Variants in RFC4 observed in about 807,000 individuals in gnomAD.
RFC4 encodes A1 37 kDa subunit.
RFC4 carries 38 observed loss-of-function variants against 47.6 expected under a neutral mutation model. That is an observed-to-expected ratio of 0.80 (90% CI 0.62 to 1.05). The LOEUF (loss-of-function observed/expected upper bound fraction) is 1.05. RFC4 is among the 50% of genes least tolerant of loss of function. The pLI, the probability that RFC4 is intolerant of heterozygous loss-of-function variation, is 0.00. For missense variants in RFC4, 489 were observed against 434.0 expected (o/e 1.13, Z -1.13); for synonymous variants, 164 against 150.0 (o/e 1.09, Z -0.68).
rs1174729738 is a variant in RFC4 at position 186,801,187 on chromosome 3, T to C, written c.140A>G (p.Lys47Arg). The C allele has an allele frequency of 6.2e-7, 1 of 1,614,068 alleles. No homozygotes were observed. The highest frequency in any genetic ancestry group is 8.5e-7 in the Non-Finnish European group (1 of 1,179,942). Residue 47 changes from lysine (K) to arginine (R), a missense_variant, in exon 3 of 11, where the codon AAA becomes AGA. Physicochemically the swap from Lys to Arg is conservative, Grantham distance 26. Coordinates refer to ENST00000296273, the MANE Select transcript of RFC4 (RefSeq NM_002916.5). ...CTGGAAAGCAACTTCATCCACACAT[T>C]TTGGGCGACTTGCGGGGTGAGAAGG... Reference protein sequence around the residue: ...PVPWVEKYRPKCVDEVAFQEE... With the variant: ...PVPWVEKYRPRCVDEVAFQEE...
At chr3:186,795,927 A>G (rs1722235531) in intron 4 of RFC4, among the ~76,000 whole-genome samples, 1 of 152,212 alleles carries the variant, frequency 6.6e-6, no homozygotes, top group Non-Finnish European at 1.5e-5. Flanking sequence ...AAAAATTACT[A>G]AAAGTAATAT....
chr3:186,798,936 C>T (rs562614000), intron 3 of RFC4, among the ~76,000 whole-genome samples: 1 of 152,224 alleles, frequency 6.6e-6, no homozygotes, highest in African/African-American at 2.4e-5. Flanking sequence ...CAATGTTGGC[C>T]AAATGAATGA....
intron 1 of RFC4, 172 bp from the exon 2 acceptor site, chr3:186,804,896 T>C (rs1351078593): frequency 1.7e-6 from 1 of 588,970 alleles, no homozygotes; most frequent in Non-Finnish European, 2.9e-6. Context: ...CCCCATGACC[T>C]AGGACACTCT....
rs779246775 is a variant in RFC4, at chr3:186,792,819, C to T, written c.539G>A (p.Cys180Tyr). The T allele has an allele frequency of 1.9e-6, 3 of 1,613,242 alleles. No individual in the cohort carries two copies. The highest frequency in any genetic ancestry group is 2.5e-6 in the Non-Finnish European group (3 of 1,179,746). Reference sequence around the variant, plus strand: ...ATATACATACCGACTGACATAGTTACAGATAAGACAGAATCGGGTGGTTTT... The same window carrying T: ...ATATACATACCGACTGACATAGTTATAGATAAGACAGAATCGGGTGGTTTT... The part of the protein sequence containing the change: ...ESKTTRFCLI[C>Y]NYVSRIIEPL... Residue 180 changes from cysteine (C) to tyrosine (Y), a missense_variant, in exon 6 of 11, where the codon TGT becomes TAT. Transcript: ENST00000296273.
intron 1 of RFC4, 33 bp from the exon 2 acceptor site, chr3:186,804,757 T>C (rs1365104717): frequency 6.3e-7 from 1 of 1,581,910 alleles, no homozygotes; most frequent in African/African-American, 1.4e-5. Flanking sequence ...AAAAAAGCTT[T>C]TATTGAAACT....
intron 3 of RFC4, among the ~76,000 whole-genome samples, chr3:186,800,580 T>G (rs1442659107): frequency 6.6e-6 from 1 of 152,306 alleles, no homozygotes; most frequent in South Asian, 2.1e-4. Flanking sequence ...CAGAATAATT[T>G]ACAATGCAAG....
chr3:186,797,178 A>AT (rs569582063), intron 4 of RFC4, among the ~76,000 whole-genome samples: 273 of 152,350 alleles, frequency 1.8e-3, no homozygotes, highest in African/African-American at 6.0e-3. Flanking sequence ...TCATGTAGCC[A>AT]CACAGATGTG....
chr3:186,794,018 G>A (rs764541191), intron 5 of RFC4, among the ~76,000 whole-genome samples: 3 of 152,246 alleles, frequency 2.0e-5, no homozygotes, highest in Admixed American at 6.5e-5. Context: ...CACTGCGCCC[G>A]GCCTTTGCCC....
chr3:186,792,831 A>G lies in RFC4; in HGVS notation c.527T>C (p.Phe176Ser). The G allele has an allele frequency of 1.2e-6, 2 of 1,613,968 alleles. No homozygotes were observed. Among genetic ancestry groups the G allele is most frequent in the Non-Finnish European group, 1.7e-6 (2 of 1,179,968 alleles). The part of the protein sequence containing the change: ...TMEKESKTTR[F>S]CLICNYVSRI... ...ACTGACATAGTTACAGATAAGACAGAATCGGGTGGTTTTCGACTCCTTCTC... is the reference window on the plus strand; with the variant it reads ...ACTGACATAGTTACAGATAAGACAGGATCGGGTGGTTTTCGACTCCTTCTC... Residue 176 changes from phenylalanine (F) to serine (S), a missense_variant, in exon 6 of 11, where the codon TTC (phenylalanine) becomes TCC (serine). This residue lies in a region of RFC4 where 206 missense variants were observed against 257.8 expected (regional missense o/e 0.80). Coordinates refer to ENST00000296273, the MANE Select transcript of RFC4 (RefSeq NM_002916.5).
rs572866983 is a variant in RFC4 at position 186,792,520 on chromosome 3, G to T, written c.645C>A (p.Ala215=). 13 of 1,612,740 alleles carry T rather than the reference G, an allele frequency of 8.1e-6. No homozygotes were observed. In the African/African-American group the frequency reaches 1.5e-4, roughly 18 times the overall value. The change falls in exon 7 of 11, where the codon GCC becomes GCA. Residue 215 remains alanine, a synonymous_variant. Coordinates refer to ENST00000296273, the MANE Select transcript of RFC4 (RefSeq NM_002916.5). The part of the protein sequence containing the change: ...KIQQQRLLDI[A]KKENVKISDE... ...CACTAATTTTGACATTTTCCTTCTT[G>T]GCAATGTCTAGTAATCGCTGCTGTT...
rs1722059190 is a variant in RFC4, at chr3:186,790,269, A to G, written c.883-14T>C. 1.9e-6 allele frequency: 3 copies of G among 1,611,610 alleles called. No individual in the cohort carries two copies. The highest frequency in any genetic ancestry group is 2.5e-6 in the Non-Finnish European group (3 of 1,177,960). On this transcript the variant is annotated splice_polypyrimidine_tract_variant and intron_variant, in intron 9 of 10. Transcript: ENST00000296273. The stretch of plus-strand genomic sequence containing the variant: ...ATCTATTAAATCCTATAATAAAAAA[A>G]ACTTTTGGTATGATGACTTAATATT...
chr3:186,799,258 T>A (rs1348395342), intron 3 of RFC4, among the ~76,000 whole-genome samples: 1 of 152,216 alleles, frequency 6.6e-6, no homozygotes, highest in African/African-American at 2.4e-5. Context: ...TTAAAATCAA[T>A]TTCTGAAAAA....
intron 3 of RFC4, 79 bp downstream of exon 3, chr3:186,801,038 G>T: frequency 9.5e-7 from 1 of 1,052,094 alleles, no homozygotes; most frequent in Non-Finnish European, 1.5e-6. Flanking sequence ...ACGAGGGCTA[G>T]AAGTTATAAA....
Position 186,804,836 on chromosome 3 carries a change from C to T in RFC4, c.-11-112G>A, listed in dbSNP as rs56323828. The T allele has an allele frequency of 2.2e-4, 218 of 991,832 alleles. No individual in the cohort carries two copies. In the African/African-American group the frequency reaches 2.6e-3, roughly 12 times the overall value. 61.4% of individuals were successfully genotyped at this position (991,832 alleles called of 1,614,324 possible). On this transcript the variant is annotated intron_variant, in intron 1 of 10. Coordinates refer to ENST00000296273, the MANE Select transcript of RFC4 (RefSeq NM_002916.5). ...GGAACCATTATGAGAAAGTACAGCC[C>T]GAAAATAAACTTAGCCTTGTGCAAA... is the stretch of plus-strand genomic sequence containing the variant.
Position 186,806,422 on chromosome 3 carries a change from T to C in RFC4, c.-144A>G, listed in dbSNP as rs1560095687. 1 of 152,230 alleles carries C rather than the reference T, an allele frequency of 6.6e-6. No individual in the cohort carries two copies. The highest frequency in any genetic ancestry group is 1.5e-5 in the Non-Finnish European group (1 of 68,060). 9.4% of individuals were successfully genotyped at this position (152,230 alleles called of 1,614,324 possible). On this transcript the variant is annotated 5_prime_UTR_variant, in exon 1 of 11. Transcript: ENST00000296273. ...CTGAGAATAACGGGCCCAGGAGACT[T>C]ACGATCACTGATGTCCCCACAGTCG...
chr3:186,797,807 A>T (rs914930477), intron 3 of RFC4, among the ~76,000 whole-genome samples, 193 bp from the exon 4 acceptor site: 1 of 152,224 alleles, frequency 6.6e-6, no homozygotes, highest in Non-Finnish European at 1.5e-5. Context: ...TTCATATACT[A>T]CCACTTTTTT....
intron 3 of RFC4, 33 bp from the exon 4 acceptor site, chr3:186,797,647 G>A (rs1317501919): frequency 1.4e-6 from 2 of 1,428,182 alleles, no homozygotes; most frequent in Non-Finnish European, 2.0e-6. Context: ...TTAATAAATG[G>A]TATTCTGGCA....
chr3:186,805,205 A>G (rs936570500), intron 1 of RFC4, among the ~76,000 whole-genome samples: 15 of 152,074 alleles, frequency 9.9e-5, no homozygotes, highest in African/African-American at 3.6e-4. Context: ...CTTGGGTCAG[A>G]ACTCAAAGAC....
intron 2 of RFC4, among the ~76,000 whole-genome samples, chr3:186,803,284 A>C (rs1010233011): frequency 1.3e-5 from 2 of 152,046 alleles, no homozygotes; most frequent in Non-Finnish European, 2.9e-5. Context: ...CAGAGGTTGC[A>C]GTGAGCTGAC....
Sources: allele counts gnomAD v4.1 joint callset (sites outside exome capture counted in the v4.1 genomes callset), GRCh38; gene constraint gnomAD v4.1.1; regional missense constraint gnomAD v4.1.1; transcripts MANE v1.5; gene names NCBI Gene and HGNC (gene_info 2026-07-23, HGNC 2026-07-21).